Variants in RARB observed in about 807,000 individuals in gnomAD.
RARB encodes HBV-activated protein.
Under a neutral mutation model 51.9 loss-of-function variants are expected in RARB, and 17 were observed. The ratio of observed to expected loss-of-function variants is 0.33; its 90% CI spans 0.22 to 0.49. The LOEUF is 0.49. Among genes scored for constraint, RARB ranks in the 20% least tolerant of loss-of-function variants. RARB has a pLI of 0.99. For missense variants in RARB, 369 were observed against 550.8 expected, an observed-to-expected ratio of 0.67 and a Z score of 3.30; for synonymous variants, 215 against 195.4, an observed-to-expected ratio of 1.10 and a Z score of -0.84.
intron 3 of RARB, among the ~76,000 whole-genome samples, chr3:25,516,749 C>A (rs57195207): frequency 0.15 from 22,528 of 151,622 alleles, 3,426 homozygotes; most frequent in African/African-American, 0.39. Context: ...GCCTCACCCA[C>A]CCAAGTAGCT....
chr3:24,867,352 G>A (rs1171790080), intron 2 of RARB, among the ~76,000 whole-genome samples: 1 of 152,218 alleles, frequency 6.6e-6, no homozygotes, highest in East Asian at 1.9e-4. Flanking sequence ...TGCAAGATGG[G>A]AGTTGGTTAA....
At chr3:25,314,488 T>G (rs1419613230) in intron 5 of RARB, among the ~76,000 whole-genome samples, 3 of 152,176 alleles carry the variant, frequency 2.0e-5, no homozygotes, top group African/African-American at 7.2e-5. Context: ...AAGTTTCTTG[T>G]GTTGCAACCA....
At chr3:25,195,182 G>C (rs1379099606) in intron 5 of RARB, among the ~76,000 whole-genome samples, 1 of 151,814 alleles carries the variant, frequency 6.6e-6, no homozygotes, top group African/African-American at 2.4e-5. Flanking sequence ...TGTAGGTCTT[G>C]TTATGAAATT....
chr3:25,161,141 TAG>T (rs1191782944), intron 4 of RARB, among the ~76,000 whole-genome samples: 1 of 151,464 alleles, frequency 6.6e-6, no homozygotes, highest in African/African-American at 2.4e-5. Context: ...GCCTCCTGAG[TAG>T]CTGGGATTAC....
intron 5 of RARB, among the ~76,000 whole-genome samples, chr3:25,299,424 T>A (rs910432767): frequency 6.6e-6 from 1 of 152,072 alleles, no homozygotes; most frequent in Non-Finnish European, 1.5e-5. Flanking sequence ...GGTCTCAAAC[T>A]CTTGCACTCA....
At chr3:25,210,654 G>A (rs188126664) in intron 5 of RARB, among the ~76,000 whole-genome samples, 1 of 148,178 alleles carries the variant, frequency 6.7e-6, no homozygotes, top group Non-Finnish European at 1.5e-5. Context: ...TCGTGCCTCA[G>A]TCTCCTGAGT....
At chr3:24,944,661 G>T (rs1227003100) in intron 2 of RARB, among the ~76,000 whole-genome samples, 1 of 152,048 alleles carries the variant, frequency 6.6e-6, no homozygotes, top group African/African-American at 2.4e-5. Flanking sequence ...CTCAAATTTG[G>T]GTCTCTATAT....
At chr3:25,121,931 C>T (rs1026348102) in intron 3 of RARB, among the ~76,000 whole-genome samples, 2 of 152,110 alleles carry the variant, frequency 1.3e-5, no homozygotes, top group African/African-American at 4.8e-5. Flanking sequence ...CTCATTCTTC[C>T]TTGTATATCT....
intron 2 of RARB, among the ~76,000 whole-genome samples, chr3:24,934,119 T>C (rs1329450466): frequency 6.6e-6 from 1 of 152,036 alleles, no homozygotes; most frequent in Non-Finnish European, 1.5e-5. Context: ...TGCCAAGAGG[T>C]ATTGCTGAGG....
chr3:25,284,500 C>T (rs1000002115), intron 5 of RARB, among the ~76,000 whole-genome samples: 6 of 151,786 alleles, frequency 4.0e-5, no homozygotes, highest in Non-Finnish European at 8.8e-5. Flanking sequence ...AAATATTACT[C>T]AAATATTTTT....
intron 2 of RARB, among the ~76,000 whole-genome samples, chr3:25,004,454 G>A (rs1697228595): frequency 6.6e-6 from 1 of 152,094 alleles, no homozygotes; most frequent in Admixed American, 6.6e-5. Flanking sequence ...GTCATCACAT[G>A]GTGGAAGGGC....
chr3:25,199,736 G>A (rs1281722363), intron 5 of RARB, among the ~76,000 whole-genome samples: 1 of 152,038 alleles, frequency 6.6e-6, no homozygotes, highest in African/African-American at 2.4e-5. Context: ...GAGAATGATG[G>A]TTTCCAGCTT....
intron 2 of RARB, among the ~76,000 whole-genome samples, chr3:24,937,147 T>G (rs1433215764): frequency 6.6e-6 from 1 of 152,242 alleles, no homozygotes; most frequent in Non-Finnish European, 1.5e-5. Context: ...TTTTAATAAC[T>G]GGTAAAGCAG....
chr3:25,240,889 G>A (rs146506265), intron 5 of RARB, among the ~76,000 whole-genome samples: 10 of 152,252 alleles, frequency 6.6e-5, no homozygotes, highest in Non-Finnish European at 1.0e-4. Flanking sequence ...CAACTTTTTA[G>A]AATTGTTTGA....
intron 5 of RARB, among the ~76,000 whole-genome samples, chr3:25,581,203 T>C (rs77388418): frequency 0.016 from 2,389 of 152,294 alleles, 23 homozygotes; most frequent in Middle Eastern, 0.045. Flanking sequence ...GTGTGCTTAA[T>C]TATAGTAACT....
At chr3:24,970,726 T>G (rs1228772839) in intron 2 of RARB, among the ~76,000 whole-genome samples, 1 of 151,950 alleles carries the variant, frequency 6.6e-6, no homozygotes, top group Non-Finnish European at 1.5e-5. Context: ...GTAAAATGTG[T>G]TTTCCTCATT....
intron 5 of RARB, among the ~76,000 whole-genome samples, chr3:25,385,972 G>C (rs1706782532): frequency 6.6e-6 from 1 of 152,156 alleles, no homozygotes; most frequent in Non-Finnish European, 1.5e-5. Context: ...CCTCAAGCTT[G>C]TTTGTTTGGC....
intron 2 of RARB, among the ~76,000 whole-genome samples, chr3:24,994,280 ATTTG>A: frequency 6.7e-6 from 1 of 148,398 alleles, no homozygotes; most frequent in Non-Finnish European, 1.5e-5. Context: ...TTTTCTATAT[ATTTG>A]TTGATCACTT....
At chr3:25,460,685 T>G (rs1382163067) in intron 1 of RARB, among the ~76,000 whole-genome samples, 1 of 152,092 alleles carries the variant, frequency 6.6e-6, no homozygotes, top group African/African-American at 2.4e-5. Flanking sequence ...TGACCTCAGG[T>G]GATCCCCCTG....
Sources: gnomAD v4.1 joint callset for allele counts (sites outside exome capture counted in the v4.1 genomes callset) on GRCh38, gnomAD v4.1.1 for gene constraint, MANE v1.5 for transcripts, NCBI Gene and HGNC (gene_info 2026-07-23, HGNC 2026-07-21) for gene names.